The following FBN1 variants were observed in gnomAD, a reference collection of about 807,000 sequenced individuals.
FBN1 encodes fibrillin-1.
FBN1 carries 29 observed loss-of-function variants against 365.1 expected under a neutral mutation model. The observed-to-expected ratio is 0.08, with a 90% confidence interval of 0.06 to 0.11. The LOEUF (loss-of-function observed/expected upper bound fraction) is 0.11. Among genes scored for constraint, FBN1 ranks in the 10% least tolerant of loss-of-function variants. The pLI is 1.00. For missense variants in FBN1, 2,476 were observed against 3,703.2 expected, an observed-to-expected ratio of 0.67 and a Z score of 8.60; for synonymous variants, 1,210 against 1,270.5, an observed-to-expected ratio of 0.95 and a Z score of 1.01.
chr15:48,420,629 G>C, intron 63 of FBN1, 58 bp downstream of exon 63: 1 of 1,607,638 alleles, frequency 6.2e-7, no homozygotes, highest in Non-Finnish European at 8.5e-7. Flanking sequence ...AGCAAGCAGT[G>C]TTTTGCTTCA....
In FBN1 at chr15:48,610,840, A is replaced by G; in HGVS notation, c.248-14T>C. The G allele has an allele frequency of 1.9e-6, 3 of 1,609,036 alleles. No individual in the cohort carries two copies. The highest frequency in any genetic ancestry group is 2.6e-6 in the Non-Finnish European group (3 of 1,175,590). On this transcript the variant is annotated splice_polypyrimidine_tract_variant and intron_variant, in intron 3 of 65. Transcript: ENST00000316623. ...GCCGGCAAATGGCTGTGAATAAACC[A>G]GAGGTCTGTTAGCACATGGATTTGG...
chr15:48,569,941 T>C (rs563953145), intron 6 of FBN1, among the ~76,000 whole-genome samples: 1 of 152,196 alleles, frequency 6.6e-6, no homozygotes, highest in Non-Finnish European at 1.5e-5. Flanking sequence ...TTAAGATGGG[T>C]GAATTTTATG....
chr15:48,488,969 A>G (rs1803465657), intron 25 of FBN1, among the ~76,000 whole-genome samples: 1 of 152,180 alleles, frequency 6.6e-6, no homozygotes, highest in South Asian at 2.1e-4. Context: ...GATATAATTT[A>G]TAATTTAAAT....
chr15:48,470,107 GTTTTTCTAAGC>G (rs1334919098), intron 36 of FBN1, among the ~76,000 whole-genome samples: 1 of 152,090 alleles, frequency 6.6e-6, no homozygotes, highest in African/African-American at 2.4e-5. Flanking sequence ...GGTGCCTGTA[GTTTTTCTAAGC>G]TTTTTCTAAT....
At chr15:48,497,418 A>G (rs774379404) in intron 18 of FBN1, 27 bp from the exon 19 acceptor site, 2 of 1,597,250 alleles carry the variant, frequency 1.3e-6, no homozygotes, top group Non-Finnish European at 1.7e-6. Context: ...GTCAAAATCA[A>G]TTAAGATTAT....
rs751025814 is a variant in FBN1, at chr15:48,432,935, T to C, written c.6670A>G (p.Thr2224Ala). 6.2e-7 allele frequency: 1 copy of C among 1,613,690 alleles called. No homozygotes were observed. Among genetic ancestry groups the C allele is most frequent in the South Asian group, 1.1e-5 (1 of 91,080 alleles). ...PLLCAFRCVNTYGSYECKCPV... is the reference protein window; with the variant it reads ...PLLCAFRCVNAYGSYECKCPV... ...CATTTGCATTCATATGACCCATAAGTGTTCACACATCGGAAGGCACAGAGC... is the reference window on the plus strand; with the variant it reads ...CATTTGCATTCATATGACCCATAAGCGTTCACACATCGGAAGGCACAGAGC... Residue 2224 changes from threonine to alanine, a missense_variant, in exon 55 of 66, where the codon ACT becomes GCT. By Grantham distance (58) the Thr-to-Ala change is moderately conservative (BLOSUM62 0). This residue lies in a region of FBN1 where 1,780 missense variants were observed against 2,840.8 expected (regional missense o/e 0.63). Transcript: ENST00000316623.
chr15:48,513,757 C>T (rs1047539843), intron 12 of FBN1, 89 bp from the exon 13 acceptor site: 15 of 1,435,990 alleles, frequency 1.0e-5, no homozygotes, highest in Non-Finnish European at 9.7e-6. Flanking sequence ...ACATATAAAA[C>T]ATTTTCCTTT....
chr15:48,417,989 AC>A (rs1424982926), intron 63 of FBN1, among the ~76,000 whole-genome samples: 2 of 152,078 alleles, frequency 1.3e-5, no homozygotes, highest in Non-Finnish European at 2.9e-5. Flanking sequence ...GACTAATAAA[AC>A]CTGCAAGGCG....
intron 2 of FBN1, among the ~76,000 whole-genome samples, chr15:48,613,853 G>T (rs1327037018): frequency 6.6e-6 from 1 of 152,152 alleles, no homozygotes; most frequent in African/African-American, 2.4e-5. Flanking sequence ...GCTTGAATCT[G>T]GGAGGCAGAG....
chr15:48,428,108 G>T, intron 57 of FBN1: 1 of 640,578 alleles, frequency 1.6e-6, no homozygotes, highest in Non-Finnish European at 2.7e-6. Flanking sequence ...GGCTTCAAAG[G>T]CAGCCAAGAA....
intron 15 of FBN1, among the ~76,000 whole-genome samples, chr15:48,505,827 C>T (rs564804415): frequency 1.4e-4 from 22 of 152,256 alleles, no homozygotes; most frequent in Non-Finnish European, 2.9e-4. Context: ...AAGACTTTAT[C>T]GGACACATAT....
chr15:48,527,412 G>A (rs562001925), intron 8 of FBN1, among the ~76,000 whole-genome samples: 3 of 152,190 alleles, frequency 2.0e-5, no homozygotes, highest in Non-Finnish European at 2.9e-5. Context: ...TAAACTCAGG[G>A]CACAGGGAAT....
intron 6 of FBN1, among the ~76,000 whole-genome samples, chr15:48,559,978 A>C (rs1328011521): frequency 6.6e-6 from 1 of 152,188 alleles, no homozygotes; most frequent in Non-Finnish European, 1.5e-5. Context: ...GATGCTACAC[A>C]GGAGAAGCCA....
At chr15:48,468,626 A>C in intron 36 of FBN1, 92 bp from the exon 37 acceptor site, 2 of 1,401,888 alleles carry the variant, frequency 1.4e-6, no homozygotes, top group Non-Finnish European at 2.0e-6. Context: ...AGAGCTCCAA[A>C]CAAGAATTTT....
rs2043316016 is a variant in FBN1 at position 48,465,808 on chromosome 15, T to C, written c.4798A>G (p.Ile1600Val). ...PGGEGFRPNP[I>V]TVILEDIDEC... The stretch of plus-strand genomic sequence containing the variant: ...CAATTACCTTCCAATATAACGGTGA[T>C]AGGATTTGGTCGGAAACCTTCCCCT... Residue 1600 changes from isoleucine (I) to valine (V), a missense_variant, in exon 39 of 66, where the codon ATC becomes GTC. Coordinates refer to ENST00000316623, the MANE Select transcript of FBN1 (RefSeq NM_000138.5). The C allele has an allele frequency of 1.9e-6, 3 of 1,613,784 alleles. No homozygotes were observed. The highest frequency in any genetic ancestry group is 1.1e-5 in the South Asian group (1 of 91,082).
chr15:48,639,330 A>G (rs1890156656), intron 2 of FBN1, among the ~76,000 whole-genome samples: 1 of 152,242 alleles, frequency 6.6e-6, no homozygotes, highest in Non-Finnish European at 1.5e-5. Context: ...GCAAAACAGT[A>G]AGAACAGTGC....
At chr15:48,619,848 A>G (rs564571162) in intron 2 of FBN1, among the ~76,000 whole-genome samples, 10 of 151,912 alleles carry the variant, frequency 6.6e-5, no homozygotes, top group Admixed American at 2.6e-4. Flanking sequence ...AAACCTGCAC[A>G]TGTACCCCTG....
chr15:48,544,342 C>T (rs1407052506), intron 6 of FBN1, among the ~76,000 whole-genome samples: 1 of 152,158 alleles, frequency 6.6e-6, no homozygotes, highest in Non-Finnish European at 1.5e-5. Flanking sequence ...ATTTACCAAA[C>T]TGTATTATGC....
intron 36 of FBN1, 58 bp downstream of exon 36, chr15:48,470,576 A>G: frequency 5.0e-6 from 8 of 1,611,766 alleles, no homozygotes; most frequent in Non-Finnish European, 6.8e-6. Flanking sequence ...GGGAGGCTCC[A>G]ATAGCTGGGT....
Sources: gnomAD v4.1 joint callset for allele counts (sites outside exome capture counted in the v4.1 genomes callset) on GRCh38, gnomAD v4.1.1 for gene constraint, gnomAD v4.1.1 regional missense constraint, MANE v1.5 for transcripts, NCBI Gene and HGNC (gene_info 2026-07-23, HGNC 2026-07-21) for gene names.